Variants in SLC5A4 observed in about 807,000 individuals in gnomAD.
The protein encoded by SLC5A4 is probable glucose sensor protein SLC5A4.
SLC5A4 carries 55 observed loss-of-function variants against 70.3 expected under a neutral mutation model. That is an observed-to-expected ratio of 0.78 (90% CI 0.63 to 0.98). SLC5A4 has a LOEUF of 0.98. Ranked by LOEUF, SLC5A4 falls within the 50% of genes least tolerant of loss-of-function variation. The probability of loss-of-function intolerance (pLI) is 0.00; values close to 1 mark genes in which losing one functional copy is unlikely to be tolerated. For synonymous variants in SLC5A4, 268 were observed against 305.7 expected (o/e 0.88, Z 1.29); for missense variants, 735 against 839.2 (o/e 0.88, Z 1.53).
At chr22:32,234,841 G>A (rs368961740) in intron 8 of SLC5A4, 32 bp downstream of exon 8, 7 of 1,472,378 alleles carry the variant, frequency 4.8e-6, no homozygotes, top group African/African-American at 4.2e-5. Context: ...CAGACAGACA[G>A]ACAGACAGAC....
chr22:32,307,313 T>C, the SLC5A4 span, among the ~76,000 whole-genome samples: 9 of 152,302 alleles, frequency 5.9e-5, no homozygotes, highest in South Asian at 1.0e-3. Context: ...CATCAGCTGT[T>C]GGCCAGGGGT....
At chr22:32,231,889 C>CTT (rs77640072) in intron 9 of SLC5A4, among the ~76,000 whole-genome samples, 9 of 146,522 alleles carry the variant, frequency 6.1e-5, no homozygotes, top group African/African-American at 2.2e-4. Context: ...GATACCTACA[C>CTT]TTTTTTTTTT....
the SLC5A4 span, chr22:32,270,161 C>A: frequency 9.4e-6 from 6 of 637,104 alleles, no homozygotes; most frequent in South Asian, 9.2e-5. Context: ...ACGGCAGCGA[C>A]GCCCAGTCGG....
intron 3 of SLC5A4, among the ~76,000 whole-genome samples, chr22:32,249,224 G>A (rs1218113253): frequency 1.3e-5 from 2 of 152,178 alleles, no homozygotes; most frequent in African/African-American, 2.4e-5. Context: ...TAGCATTAAT[G>A]TGCAATTTTT....
At chr22:32,228,918 T>C (rs1925569095) in intron 11 of SLC5A4, among the ~76,000 whole-genome samples, 1 of 152,100 alleles carries the variant, frequency 6.6e-6, no homozygotes. Context: ...TGGAGTTTTA[T>C]GAAGATGTGG....
At chr22:32,340,872 T>C in the SLC5A4 span, among the ~76,000 whole-genome samples, 3 of 152,216 alleles carry the variant, frequency 2.0e-5, no homozygotes, top group East Asian at 5.8e-4. Flanking sequence ...AAGATCGCCC[T>C]GCCACTGTCG....
chr22:32,297,126 G>T, the SLC5A4 span, among the ~76,000 whole-genome samples: 2 of 151,754 alleles, frequency 1.3e-5, no homozygotes, highest in East Asian at 3.9e-4. Context: ...TTTTTTTGTT[G>T]TGTCTCTGCC....
rs561367281 is a variant in SLC5A4 at position 32,240,376 on chromosome 22, G to A, written c.478-1286C>T. Among the ~76,000 whole-genome samples, 4 of 152,112 alleles carry A rather than the reference G, an allele frequency of 2.6e-5. No homozygotes were observed. In the East Asian group the frequency reaches 7.7e-4, roughly 29 times the overall value. ...GTACATTTTCTTATCTACACTGTTT[G>A]GCTCAGCATAATTAACATGAATAAT... On this transcript the variant is annotated intron_variant, in intron 5 of 14. Transcript: ENST00000266086.
chr22:32,351,387 A>G, the SLC5A4 span, among the ~76,000 whole-genome samples: 5 of 151,930 alleles, frequency 3.3e-5, no homozygotes, highest in African/African-American at 1.2e-4. Flanking sequence ...CTCTAAAACA[A>G]TAACGGACCG....
At chr22:32,259,303 T>C (rs1424177726), upstream of SLC5A4, among the ~76,000 whole-genome samples, 1 of 152,252 alleles carries the variant, frequency 6.6e-6, no homozygotes, top group Non-Finnish European at 1.5e-5. Flanking sequence ...GAAAAGCTTT[T>C]AGTCTTTCAG....
intron 10 of SLC5A4, 116 bp downstream of exon 10, chr22:32,230,852 A>G (rs1381239040): frequency 4.5e-6 from 3 of 669,670 alleles, no homozygotes; most frequent in Non-Finnish European, 8.1e-6. Context: ...GTGCTCAAGA[A>G]ATGTCTGATG....
At chr22:32,222,288 T>C (rs1925134380) in intron 13 of SLC5A4, among the ~76,000 whole-genome samples, 2 of 152,232 alleles carry the variant, frequency 1.3e-5, no homozygotes, top group Admixed American at 1.3e-4. Flanking sequence ...AACTCTCTTC[T>C]TGGGAGTCCT....
At chr22:32,294,097 A>T in the SLC5A4 span, among the ~76,000 whole-genome samples, 1 of 150,452 alleles carries the variant, frequency 6.6e-6, no homozygotes, top group African/African-American at 2.5e-5. Context: ...TTGTGGCTTG[A>T]TGTCTTTCAG....
chr22:32,335,958 G>A, the SLC5A4 span, among the ~76,000 whole-genome samples: 3 of 152,212 alleles, frequency 2.0e-5, no homozygotes, highest in East Asian at 1.9e-4. Context: ...GTTGGGAGAC[G>A]TCTGCAGTTC....
the SLC5A4 span, among the ~76,000 whole-genome samples, chr22:32,289,217 A>G: frequency 2.6e-5 from 4 of 152,164 alleles, no homozygotes; most frequent in Non-Finnish European, 4.4e-5. Context: ...TCTTGAAATG[A>G]TCATATATTT....
intron 14 of SLC5A4, 70 bp from the exon 15 acceptor site, chr22:32,218,795 T>A: frequency 8.6e-7 from 1 of 1,158,706 alleles, no homozygotes; most frequent in Non-Finnish European, 1.3e-6. Context: ...CTTGTCAGTG[T>A]AGTACCTATG....
At chr22:32,269,077 A>G in the SLC5A4 span, among the ~76,000 whole-genome samples, 14 of 152,160 alleles carry the variant, frequency 9.2e-5, no homozygotes, top group South Asian at 2.1e-4. The surrounding 1 kb of genome is among the most constrained non-coding windows in gnomAD (Gnocchi z 4.1). Flanking sequence ...ATTTTTAGTA[A>G]ACACAGGGTT....
At chr22:32,262,933 C>A in the SLC5A4 span, among the ~76,000 whole-genome samples, 3 of 151,906 alleles carry the variant, frequency 2.0e-5, no homozygotes, top group Non-Finnish European at 4.4e-5. Flanking sequence ...CCTCTCCCAG[C>A]TAATTTTTGT....
the SLC5A4 span, among the ~76,000 whole-genome samples, chr22:32,307,276 TCTG>T: frequency 3.4e-4 from 51 of 152,122 alleles, no homozygotes; most frequent in East Asian, 6.4e-3. Flanking sequence ...AATAGTCAAA[TCTG>T]CTCTTCATCA....
Sources: allele counts gnomAD v4.1 joint callset (sites outside exome capture counted in the v4.1 genomes callset), GRCh38; gene constraint gnomAD v4.1.1; non-coding constraint Gnocchi (gnomAD v3.1); transcripts MANE v1.5; gene names NCBI Gene and HGNC (gene_info 2026-07-23, HGNC 2026-07-21).